LRGUK: variants seen among roughly 807,000 people sequenced by gnomAD.
LRGUK encodes leucine rich repeats and guanylate kinase domain containing, also known as leucine-rich repeat and guanylate kinase domain-containing protein.
LRGUK carries 65 observed loss-of-function variants against 76.0 expected under a neutral mutation model. That is an observed-to-expected ratio of 0.85 (90% confidence interval 0.70 to 1.05). The LOEUF is 1.05. Among genes scored for constraint, LRGUK ranks in the 50% least tolerant of loss-of-function variants. The probability of loss-of-function intolerance (pLI) is 0.00; values close to 1 mark genes in which losing one functional copy is unlikely to be tolerated. For missense variants in LRGUK, 758 were observed against 732.8 expected, an observed-to-expected ratio of 1.03 and a Z score of -0.40; for synonymous variants, 268 against 265.6, an observed-to-expected ratio of 1.01 and a Z score of -0.09.
chr7:134,195,014 G>C (rs190391032), intron 12 of LRGUK, among the ~76,000 whole-genome samples: 7 of 152,080 alleles, frequency 4.6e-5, no homozygotes. Flanking sequence ...CTTAGTGGGT[G>C]GGGGGAAGCC....
At chr7:134,200,565 T>C (rs2117088806) in intron 14 of LRGUK, among the ~76,000 whole-genome samples, 1 of 151,372 alleles carries the variant, frequency 6.6e-6, no homozygotes, top group East Asian at 2.0e-4. Flanking sequence ...TAACACTGAT[T>C]ACCTCTTAGG....
intron 11 of LRGUK, among the ~76,000 whole-genome samples, chr7:134,184,995 T>C (rs1373265474): frequency 6.6e-6 from 1 of 152,250 alleles, no homozygotes; most frequent in Non-Finnish European, 1.5e-5. Context: ...CCAACGGCAC[T>C]GGAGCGTCTT....
chr7:134,170,848 C>T (rs535869484), intron 7 of LRGUK, among the ~76,000 whole-genome samples: 50 of 152,286 alleles, frequency 3.3e-4, no homozygotes, highest in African/African-American at 1.2e-3. Context: ...CTAATTTTCT[C>T]ACTGATACAG....
chr7:134,272,893 T>C, the LRGUK span, among the ~76,000 whole-genome samples: 1 of 152,152 alleles, frequency 6.6e-6, no homozygotes, highest in African/African-American at 2.4e-5. Context: ...TTCAGGACAA[T>C]CTCATTTAAT....
downstream of LRGUK, among the ~76,000 whole-genome samples, chr7:134,266,364 C>T (rs1202012971): frequency 6.6e-6 from 1 of 152,040 alleles, no homozygotes; most frequent in Non-Finnish European, 1.5e-5. Context: ...AAAAATGCTT[C>T]AACAAGCAAT....
chr7:134,270,923 C>A, the LRGUK span, among the ~76,000 whole-genome samples: 1 of 152,036 alleles, frequency 6.6e-6, no homozygotes, highest in Non-Finnish European at 1.5e-5. Context: ...GTAATATGCT[C>A]TCACCAACAC....
chr7:134,127,935 T>C (rs1449923250), intron 1 of LRGUK, among the ~76,000 whole-genome samples: 3 of 151,884 alleles, frequency 2.0e-5, no homozygotes, highest in African/African-American at 7.3e-5. Context: ...CGTCACTTTG[T>C]AAGAGTGTCT....
intron 10 of LRGUK, among the ~76,000 whole-genome samples, chr7:134,180,650 C>T (rs972757493): frequency 6.6e-6 from 1 of 152,140 alleles, no homozygotes; most frequent in African/African-American, 2.4e-5. Context: ...AGTACTAATA[C>T]TACCACCAAA....
chr7:134,229,970 T>C (rs1237597213), intron 16 of LRGUK, among the ~76,000 whole-genome samples: 2 of 152,190 alleles, frequency 1.3e-5, no homozygotes, highest in Non-Finnish European at 2.9e-5. Flanking sequence ...TTTATGATCA[T>C]GGGGTCAAGA....
rs538279855 is a variant in LRGUK at position 134,164,370 on chromosome 7, G to A, written c.939+830G>A. Among the ~76,000 whole-genome samples, 9 of 152,144 alleles carry A rather than the reference G, an allele frequency of 5.9e-5. No individual in the cohort carries two copies. In the South Asian group the frequency reaches 1.9e-3, roughly 32 times the overall value. On this transcript the variant is annotated intron_variant, in intron 7 of 15. Transcript: ENST00000645682. The stretch of plus-strand genomic sequence containing the variant: ...TATACCAATCTGCATGGTGGCTTGG[G>A]GACTGGGTTTACTCAAATTTTCAGG...
At chr7:134,186,811 C>G (rs1048025204) in intron 11 of LRGUK, among the ~76,000 whole-genome samples, 23 of 152,194 alleles carry the variant, frequency 1.5e-4, no homozygotes, top group Admixed American at 3.3e-4. Context: ...GGTGGAGGCA[C>G]AAGATGGCAA....
At chr7:134,231,845 CCCTT>C (rs1475456642) in intron 16 of LRGUK, among the ~76,000 whole-genome samples, 1 of 146,752 alleles carries the variant, frequency 6.8e-6, no homozygotes, top group Non-Finnish European at 1.5e-5. Flanking sequence ...CTTTCTCTCT[CCCTT>C]CCTTCCTTTC....
intron 2 of LRGUK, among the ~76,000 whole-genome samples, chr7:134,138,042 T>C (rs959722161): frequency 6.6e-6 from 1 of 152,186 alleles, no homozygotes; most frequent in Non-Finnish European, 1.5e-5. Flanking sequence ...ACAGTAATCT[T>C]TTTCTATTTT....
chr7:134,220,872 G>A (rs1338567484), intron 15 of LRGUK, among the ~76,000 whole-genome samples: 7 of 152,172 alleles, frequency 4.6e-5, no homozygotes, highest in Admixed American at 3.9e-4. Flanking sequence ...ACCTGGCCAA[G>A]TCGGGTCTTG....
chr7:134,149,275 A>G (rs942377736), intron 5 of LRGUK, among the ~76,000 whole-genome samples: 3 of 152,162 alleles, frequency 2.0e-5, no homozygotes. Flanking sequence ...TCTCTTCTTC[A>G]CACCAGAGAC....
At chr7:134,244,946 G>GC (rs1802257099) in intron 16 of LRGUK, among the ~76,000 whole-genome samples, 1 of 148,876 alleles carries the variant, frequency 6.7e-6, no homozygotes, top group Admixed American at 6.8e-5. Flanking sequence ...GCAAACTATC[G>GC]CAAGGACAGG....
At chr7:134,143,780 A>G (rs957094513) in intron 4 of LRGUK, among the ~76,000 whole-genome samples, 27 of 152,324 alleles carry the variant, frequency 1.8e-4, no homozygotes, top group African/African-American at 6.3e-4. Flanking sequence ...ATAGTTTGCT[A>G]TGCCCTAGAG....
At chr7:134,236,382 C>T (rs899378600) in intron 16 of LRGUK, among the ~76,000 whole-genome samples, 7 of 152,086 alleles carry the variant, frequency 4.6e-5, no homozygotes, top group African/African-American at 1.7e-4. Flanking sequence ...TATATATTTA[C>T]AGTATCTTTT....
At chr7:134,221,660 C>A (rs1047710543) in intron 15 of LRGUK, 119 bp from the exon 16 acceptor site, 2 of 618,944 alleles carry the variant, frequency 3.2e-6, no homozygotes, top group Non-Finnish European at 4.9e-6. Flanking sequence ...AGTTGAAATG[C>A]GCACATTTTA....
Sources: gnomAD v4.1 joint callset for allele counts (sites outside exome capture counted in the v4.1 genomes callset) on GRCh38, gnomAD v4.1.1 for gene constraint, MANE v1.5 for transcripts, NCBI Gene and HGNC (gene_info 2026-07-23, HGNC 2026-07-21) for gene names.